The following TMEM266 variants were observed in gnomAD, a reference collection of about 807,000 sequenced individuals.
TMEM266 encodes the protein transmembrane protein 266.
TMEM266 carries 33 observed loss-of-function variants against 50.5 expected under a neutral mutation model. The observed-to-expected ratio is 0.65, with a 90% CI of 0.50 to 0.87. The LOEUF (loss-of-function observed/expected upper bound fraction) is 0.87. TMEM266 is among the 40% of genes least tolerant of loss of function. The pLI is 0.00. For missense variants in TMEM266, 655 were observed against 695.1 expected, an observed-to-expected ratio of 0.94 and a Z score of 0.65; for synonymous variants, 310 against 292.3, an observed-to-expected ratio of 1.06 and a Z score of -0.62.
rs1402988549 is a variant in TMEM266 at position 76,153,800 on chromosome 15, A to G, written c.228-2804A>G. ...CGGAAGGAAGAATCAGGAGGTGAGGAGGGTGGCCAAGTGATGATAGCCAAA... is the reference window on the plus strand; with the variant it reads ...CGGAAGGAAGAATCAGGAGGTGAGGGGGGTGGCCAAGTGATGATAGCCAAA... On this transcript the variant is annotated intron_variant, in intron 3 of 10. Transcript: ENST00000388942. This position sits in a 1 kb window ranked among gnomAD's most constrained non-coding sequence, Gnocchi z 4.2. Among the ~76,000 whole-genome samples, 2 of 152,134 alleles carry G rather than the reference A, an allele frequency of 1.3e-5. No individual in the cohort carries two copies. The highest frequency in any genetic ancestry group is 2.9e-5 in the Non-Finnish European group (2 of 67,990).
chr15:76,182,830 C>T (rs1156463500), intron 8 of TMEM266, among the ~76,000 whole-genome samples: 1 of 152,082 alleles, frequency 6.6e-6, no homozygotes, highest in Non-Finnish European at 1.5e-5. Flanking sequence ...TTGGCCAGAT[C>T]CTGTAGTTTT....
At chr15:76,088,577 A>C (rs534503869) in intron 1 of TMEM266, among the ~76,000 whole-genome samples, 2 of 151,906 alleles carry the variant, frequency 1.3e-5, no homozygotes, top group Non-Finnish European at 2.9e-5. Flanking sequence ...TGGGTGGATC[A>C]TGAGGTTAGG....
intron 1 of TMEM266, among the ~76,000 whole-genome samples, chr15:76,079,437 C>T (rs940788417): frequency 2.8e-5 from 4 of 145,372 alleles, no homozygotes; most frequent in Non-Finnish European, 4.5e-5. Context: ...GATTTAGGGC[C>T]CACCTTAATC....
At chr15:76,072,231 G>A (rs1042069740) in intron 1 of TMEM266, among the ~76,000 whole-genome samples, 1 of 151,948 alleles carries the variant, frequency 6.6e-6, no homozygotes, top group African/African-American at 2.4e-5. Context: ...CTGAGGTCAG[G>A]AGTTCGAGAC....
At chr15:76,069,169 C>A (rs1678139845) in intron 1 of TMEM266, among the ~76,000 whole-genome samples, 1 of 152,174 alleles carries the variant, frequency 6.6e-6, no homozygotes, top group Admixed American at 6.5e-5. Context: ...ATACTGAACT[C>A]AGATTCGGCC....
At chr15:76,098,858 C>A (rs1346354029) in intron 1 of TMEM266, among the ~76,000 whole-genome samples, 1 of 152,188 alleles carries the variant, frequency 6.6e-6, no homozygotes, top group African/African-American at 2.4e-5. Flanking sequence ...AACTTCCCAG[C>A]AGCTTTGTTT....
chr15:76,067,691 T>G (rs1410032943), intron 1 of TMEM266, among the ~76,000 whole-genome samples: 1 of 150,144 alleles, frequency 6.7e-6, no homozygotes, highest in Non-Finnish European at 1.5e-5. Context: ...TCTTGGGTTT[T>G]TTTTTTTTTG....
At chr15:76,170,911 GC>G (rs1211249494) in intron 6 of TMEM266, 81 bp from the exon 7 acceptor site, 9 of 1,492,214 alleles carry the variant, frequency 6.0e-6, no homozygotes, top group Non-Finnish European at 8.1e-6. Context: ...AAGTTGGGCA[GC>G]ACCAGCTGCT....
chr15:76,105,153 G>A (rs2037061678), intron 1 of TMEM266, among the ~76,000 whole-genome samples: 1 of 152,064 alleles, frequency 6.6e-6, no homozygotes, highest in Non-Finnish European at 1.5e-5. Context: ...AGCTGAGACA[G>A]AAAAATCGCT....
chr15:76,154,493 C>CT (rs1463357029), intron 3 of TMEM266, among the ~76,000 whole-genome samples: 1 of 152,138 alleles, frequency 6.6e-6, no homozygotes, highest in East Asian at 1.9e-4. Flanking sequence ...ACAGACCATT[C>CT]TCCTCCTGTT....
chr15:76,201,460 C>G (rs747379634), intron 9 of TMEM266, among the ~76,000 whole-genome samples: 8 of 152,146 alleles, frequency 5.3e-5, no homozygotes, highest in Admixed American at 3.9e-4. Flanking sequence ...GGTGTGATCA[C>G]AGCTCACGGC....
In TMEM266 at chr15:76,202,282, C is replaced by A; in HGVS notation, c.1021+18C>A. On this transcript the variant is annotated intron_variant, in intron 10 of 10. Coordinates refer to ENST00000388942, the MANE Select transcript of TMEM266 (RefSeq NM_152335.3). Reference sequence around the variant, plus strand: ...CAGCAGTGGTAAGTCTGGGTTGGGGCTGTTCTACATGTGCCACAACCCCAG... The same window carrying A: ...CAGCAGTGGTAAGTCTGGGTTGGGGATGTTCTACATGTGCCACAACCCCAG... 1 of 1,608,218 alleles carries A rather than the reference C, an allele frequency of 6.2e-7. No homozygotes were observed. Among genetic ancestry groups the A allele is most frequent in the Non-Finnish European group, 8.5e-7 (1 of 1,176,054 alleles).
intron 8 of TMEM266, among the ~76,000 whole-genome samples, chr15:76,188,168 G>A (rs907941492): frequency 2.6e-5 from 4 of 151,444 alleles, no homozygotes; most frequent in Non-Finnish European, 4.4e-5. Flanking sequence ...TTGTTTTCAC[G>A]CTGCTAATAA....
At chr15:76,203,540 T>A (rs1260589549) in intron 10 of TMEM266, among the ~76,000 whole-genome samples, 1 of 152,244 alleles carries the variant, frequency 6.6e-6, no homozygotes, top group Non-Finnish European at 1.5e-5. Flanking sequence ...TTTAACAAGA[T>A]GAGGCATAAT....
chr15:76,132,400 C>T (rs185980586), intron 1 of TMEM266, among the ~76,000 whole-genome samples: 89 of 152,178 alleles, frequency 5.8e-4, no homozygotes, highest in African/African-American at 1.8e-3. Context: ...TGAACCACCG[C>T]GCCTGGCCTA....
intron 8 of TMEM266, among the ~76,000 whole-genome samples, chr15:76,190,605 G>A (rs974986385): frequency 6.6e-6 from 1 of 152,120 alleles, no homozygotes; most frequent in South Asian, 2.1e-4. Context: ...TGTTGGGGTG[G>A]GGGAAAGGGA....
At chr15:76,163,765 C>T (rs1015492698) in intron 5 of TMEM266, among the ~76,000 whole-genome samples, 3 of 152,214 alleles carry the variant, frequency 2.0e-5, no homozygotes, top group Non-Finnish European at 4.4e-5. Flanking sequence ...AAGGCCCAGG[C>T]AGCCCCAGCT....
At chr15:76,176,814 G>C (rs746861293) in intron 8 of TMEM266, among the ~76,000 whole-genome samples, 1 of 152,198 alleles carries the variant, frequency 6.6e-6, no homozygotes, top group Non-Finnish European at 1.5e-5. Context: ...TGGGTGCCCA[G>C]GCAGTCTCCA....
At chr15:76,063,863 C>G (rs2036357682) in intron 1 of TMEM266, among the ~76,000 whole-genome samples, 1 of 152,150 alleles carries the variant, frequency 6.6e-6, no homozygotes, top group African/African-American at 2.4e-5. Context: ...AATGCAAAAG[C>G]TTTATGTGTT....
Sources: allele counts gnomAD v4.1 joint callset (sites outside exome capture counted in the v4.1 genomes callset), GRCh38; gene constraint gnomAD v4.1.1; non-coding constraint Gnocchi (gnomAD v3.1); transcripts MANE v1.5; gene names NCBI Gene and HGNC (gene_info 2026-07-23, HGNC 2026-07-21).